WWOX: variants seen among roughly 807,000 people sequenced by gnomAD.
WWOX encodes the protein WW domain-containing oxidoreductase.
WWOX carries 69 observed loss-of-function variants against 46.2 expected under a neutral mutation model. That is an observed-to-expected ratio of 1.49 (90% CI 1.23 to 1.82). WWOX has a LOEUF of 1.82. WWOX is among the 40% of genes most tolerant of loss of function. WWOX has a pLI of 0.00. For missense variants in WWOX, 919 were observed against 542.6 expected (o/e 1.69, Z -6.89); for synonymous variants, 359 against 202.6 (o/e 1.77, Z -6.56).
At chr16:79,147,759 T>A (rs762833845) in intron 8 of WWOX, among the ~76,000 whole-genome samples, 5 of 152,236 alleles carry the variant, frequency 3.3e-5, no homozygotes, top group Non-Finnish European at 7.3e-5. Flanking sequence ...TGTTGCAGTT[T>A]TTTATTTTAG....
At chr16:78,792,326 C>A (rs944579207) in intron 8 of WWOX, among the ~76,000 whole-genome samples, 1 of 152,086 alleles carries the variant, frequency 6.6e-6, no homozygotes, top group African/African-American at 2.4e-5. Flanking sequence ...GGATCTCTCT[C>A]CTCTACTTCC....
intron 8 of WWOX, among the ~76,000 whole-genome samples, chr16:78,608,475 C>T (rs982386823): frequency 6.6e-6 from 1 of 152,180 alleles, no homozygotes; most frequent in African/African-American, 2.4e-5. Flanking sequence ...TGCGACTTGG[C>T]CACAGTGTTT....
intron 8 of WWOX, among the ~76,000 whole-genome samples, chr16:78,581,115 T>G (rs937396094): frequency 1.3e-5 from 2 of 152,088 alleles, no homozygotes; most frequent in East Asian, 3.8e-4. Flanking sequence ...TCTTAATCAT[T>G]GTTGTATATC....
At chr16:78,131,985 C>G (rs925958188) in intron 4 of WWOX, among the ~76,000 whole-genome samples, 1 of 149,386 alleles carries the variant, frequency 6.7e-6, no homozygotes, top group Non-Finnish European at 1.5e-5. Flanking sequence ...CTCATTAAGT[C>G]TTACTACTAG....
intron 1 of WWOX, among the ~76,000 whole-genome samples, chr16:78,108,129 T>C (rs887172708): frequency 1.3e-4 from 20 of 151,638 alleles, no homozygotes; most frequent in Admixed American, 1.2e-3. Flanking sequence ...GGTTTCACCA[T>C]GTTGGCCAGG....
chr16:78,124,831 G>C (rs2033290498), intron 4 of WWOX, among the ~76,000 whole-genome samples: 1 of 152,162 alleles, frequency 6.6e-6, no homozygotes, highest in Non-Finnish European at 1.5e-5. Context: ...GGTGCTCTCT[G>C]AAAGCAAGAC....
intron 8 of WWOX, among the ~76,000 whole-genome samples, chr16:78,985,932 G>C (rs569903429): frequency 6.6e-6 from 1 of 152,308 alleles, no homozygotes; most frequent in African/African-American, 2.4e-5. Context: ...CACCTTGACT[G>C]GCCGAGAAAT....
chr16:78,691,124 C>T, intron 8 of WWOX: 3 of 639,008 alleles, frequency 4.7e-6, no homozygotes, highest in Non-Finnish European at 8.4e-6. Context: ...GTCGTTATTG[C>T]TTTAGAAGTT....
intron 5 of WWOX, among the ~76,000 whole-genome samples, chr16:78,315,064 C>T (rs944702150): frequency 2.0e-5 from 3 of 152,196 alleles, no homozygotes; most frequent in African/African-American, 7.2e-5. Context: ...TATCAATCAT[C>T]TATCATCTAG....
intron 8 of WWOX, among the ~76,000 whole-genome samples, chr16:78,866,302 T>C (rs764249171): frequency 6.6e-5 from 10 of 152,148 alleles, no homozygotes; most frequent in Non-Finnish European, 1.3e-4. Context: ...CACGGTCAGA[T>C]TTCAAGTGGT....
chr16:79,139,293 T>C (rs2050042637), intron 8 of WWOX, among the ~76,000 whole-genome samples: 1 of 152,222 alleles, frequency 6.6e-6, no homozygotes, highest in South Asian at 2.1e-4. Flanking sequence ...AGGAGAGATT[T>C]ACAGTCAAAT....
chr16:78,998,225 C>T (rs543729239), intron 8 of WWOX, among the ~76,000 whole-genome samples: 8 of 152,274 alleles, frequency 5.3e-5, no homozygotes, highest in Admixed American at 4.6e-4. Context: ...AAAATGGGGA[C>T]GTTTTTCTCT....
intron 6 of WWOX, among the ~76,000 whole-genome samples, chr16:78,405,310 C>G (rs1285546854): frequency 1.3e-5 from 2 of 152,124 alleles, no homozygotes; most frequent in Non-Finnish European, 1.5e-5. Context: ...TTTCTCTATT[C>G]CAACTGAAAT....
At chr16:78,301,780 A>T (rs1022195595) in intron 5 of WWOX, among the ~76,000 whole-genome samples, 2 of 152,132 alleles carry the variant, frequency 1.3e-5, no homozygotes, top group Admixed American at 1.3e-4. Context: ...TGCACTGGGT[A>T]ACAGACACAC....
chr16:78,863,108 C>T (rs1201903009), intron 8 of WWOX, among the ~76,000 whole-genome samples: 2 of 151,874 alleles, frequency 1.3e-5, no homozygotes, highest in East Asian at 1.9e-4. Flanking sequence ...ACAGGCGCCA[C>T]CACCAAGCCT....
chr16:78,573,327 G>T (rs1343488152), intron 8 of WWOX, among the ~76,000 whole-genome samples: 2 of 152,098 alleles, frequency 1.3e-5, no homozygotes, highest in African/African-American at 4.8e-5. Flanking sequence ...TTTAAGAAAT[G>T]TTCTAGTACC....
intron 5 of WWOX, among the ~76,000 whole-genome samples, chr16:78,356,109 C>T (rs1481572117): frequency 5.5e-5 from 3 of 54,936 alleles, no homozygotes; most frequent in Non-Finnish European, 1.2e-4. Flanking sequence ...ATCGATTGAA[C>T]CCGGGAGGTG....
intron 8 of WWOX, among the ~76,000 whole-genome samples, chr16:78,702,100 T>TATATATATATATA (rs2048234946): frequency 1.2e-5 from 1 of 81,262 alleles, no homozygotes; most frequent in African/African-American, 6.8e-5. Context: ...ATCTATAAAG[T>TATATATATATATA]TATATATATA....
At chr16:78,278,578 A>T in intron 5 of WWOX, 3 of 1,599,160 alleles carry the variant, frequency 1.9e-6, no homozygotes, top group Non-Finnish European at 2.6e-6. Flanking sequence ...ATTTTACACA[A>T]CTGTCTTTTG....
Sources: gnomAD v4.1 joint callset for allele counts (sites outside exome capture counted in the v4.1 genomes callset) on GRCh38, gnomAD v4.1.1 for gene constraint, MANE v1.5 for transcripts, NCBI Gene and HGNC (gene_info 2026-07-23, HGNC 2026-07-21) for gene names.